The following SAE1 variants were observed in gnomAD, a reference collection of about 807,000 sequenced individuals.
SAE1 encodes SUMO-activating enzyme subunit 1.
A neutral mutation model predicts 40.6 loss-of-function variants in SAE1; 11 were observed. The ratio of observed to expected loss-of-function variants is 0.27; its 90% CI spans 0.17 to 0.45. The LOEUF (loss-of-function observed/expected upper bound fraction) is 0.45, where lower values mean the gene tolerates loss of function less well. Ranked by LOEUF, SAE1 falls within the 20% of genes least tolerant of loss-of-function variation. SAE1 has a pLI of 1.00. For synonymous variants in SAE1, 155 were observed against 154.3 expected, an observed-to-expected ratio of 1.00 and a Z score of -0.03; for missense variants, 373 against 427.3, an observed-to-expected ratio of 0.87 and a Z score of 1.12.
At chr19:47,138,113 G>A (rs1367372889) in intron 1 of SAE1, among the ~76,000 whole-genome samples, 1 of 151,812 alleles carries the variant, frequency 6.6e-6, no homozygotes, top group Non-Finnish European at 1.5e-5. Context: ...GCGTGATCTA[G>A]ACTCACTGCA....
chr19:47,164,643 T>G (rs1202781175), intron 5 of SAE1, among the ~76,000 whole-genome samples: 3 of 128,096 alleles, frequency 2.3e-5, no homozygotes, highest in Non-Finnish European at 5.0e-5. Flanking sequence ...ATTCACCTTT[T>G]TTTTTTTTTT....
chr19:47,209,469 C>T lies in SAE1; in HGVS notation c.*218C>T, dbSNP rs540722786. On this transcript the variant is annotated 3_prime_UTR_variant, in exon 9 of 9. Transcript: ENST00000270225. Reference sequence around the variant, plus strand: ...CAGGGTGGCTGTCTTTGTTCCAGCACTGTTCAGGCTGCCTGTCATCCCGGG... The same window carrying T: ...CAGGGTGGCTGTCTTTGTTCCAGCATTGTTCAGGCTGCCTGTCATCCCGGG... 20 of 714,536 alleles carry T rather than the reference C, an allele frequency of 2.8e-5. No individual in the cohort carries two copies. The South Asian group carries it at 3.3e-4, about 12-fold the overall frequency. 44.3% of individuals were successfully genotyped at this position (714,536 alleles called of 1,614,324 possible). A position where few individuals can be genotyped will look rare whatever the true frequency, so the allele number is the denominator to read the frequency against.
chr19:47,191,571 T>G (rs961663062), intron 6 of SAE1, among the ~76,000 whole-genome samples: 1 of 152,164 alleles, frequency 6.6e-6, no homozygotes, highest in Non-Finnish European at 1.5e-5. Flanking sequence ...ACGTGGAAAC[T>G]GAGGCTGCCT....
chr19:47,161,116 C>A (rs2058357300), intron 5 of SAE1, among the ~76,000 whole-genome samples: 1 of 152,102 alleles, frequency 6.6e-6, no homozygotes, highest in Admixed American at 6.6e-5. Context: ...ATCCTCCCAC[C>A]CACCTCAGTC....
chr19:47,152,787 A>G, intron 3 of SAE1, 111 bp from the exon 4 acceptor site: 1 of 1,047,828 alleles, frequency 9.5e-7, no homozygotes, highest in Non-Finnish European at 1.4e-6. Flanking sequence ...CCAGTTTGAA[A>G]CATGCTTTGA....
intron 5 of SAE1, among the ~76,000 whole-genome samples, chr19:47,158,025 A>G (rs762450460): frequency 1.4e-5 from 2 of 145,906 alleles, no homozygotes; most frequent in Non-Finnish European, 3.0e-5. Flanking sequence ...TCCTTGATTC[A>G]GATGCTGCCC....
rs145637374 is a variant in SAE1, at chr19:47,155,203, T to G, written c.617T>G (p.Met206Arg). The change falls in exon 5 of 9, where the codon ATG becomes AGG. Residue 206 changes from methionine (M) to arginine (R), a missense_variant. Met to Arg is a moderately conservative substitution (Grantham distance 91). Around this residue, in one of 3 missense-constraint regions of SAE1, gnomAD observed 351 missense variants for 390.6 expected, o/e 0.90. Transcript: ENST00000270225. ...RAKLDSSETT[M>R]VKKKVVFCPV... Reference sequence around the variant, plus strand: ...AAACTTGATTCTTCTGAGACAACGATGGTCAAAAAGGTATGTGTAACGTGG... The same window carrying G: ...AAACTTGATTCTTCTGAGACAACGAGGGTCAAAAAGGTATGTGTAACGTGG... 1.2e-6 allele frequency: 2 copies of G among 1,611,830 alleles called. No individual in the cohort carries two copies. Among genetic ancestry groups the G allele is most frequent in the African/African-American group, 2.7e-5 (2 of 74,576 alleles).
intron 7 of SAE1, among the ~76,000 whole-genome samples, chr19:47,202,284 C>CTATT (rs749296363): frequency 1.6e-3 from 236 of 151,626 alleles, no homozygotes; most frequent in Admixed American, 3.4e-3. Flanking sequence ...AAAATTATAC[C>CTATT]TATTTATTTA....
chr19:47,158,107 T>C (rs901512439), intron 5 of SAE1, among the ~76,000 whole-genome samples: 3 of 152,144 alleles, frequency 2.0e-5, no homozygotes, highest in Non-Finnish European at 2.9e-5. Context: ...GGGAAGCAGC[T>C]ACTTCCTGTT....
chr19:47,207,243 A>C (rs1417851495), intron 8 of SAE1, among the ~76,000 whole-genome samples: 3 of 152,264 alleles, frequency 2.0e-5, no homozygotes, highest in Non-Finnish European at 4.4e-5. Flanking sequence ...CAAAAAATTA[A>C]AAACATTTAC....
At chr19:47,186,437 C>G (rs376226945) in intron 6 of SAE1, among the ~76,000 whole-genome samples, 1 of 152,072 alleles carries the variant, frequency 6.6e-6, no homozygotes, top group Non-Finnish European at 1.5e-5. Context: ...ATTCATTCAG[C>G]GGGTAAGGGT....
chr19:47,139,932 ATTTCT>A (rs2058208574), intron 1 of SAE1, among the ~76,000 whole-genome samples: 1 of 119,792 alleles, frequency 8.3e-6, no homozygotes, highest in African/African-American at 3.2e-5. Context: ...CCACTTGGGT[ATTTCT>A]TTTTTTTTTT....
intron 5 of SAE1, among the ~76,000 whole-genome samples, chr19:47,165,076 C>CTTTTTTTTTTTTTTTTTTTTTT: frequency 1.7e-5 from 1 of 59,074 alleles, no homozygotes; most frequent in Non-Finnish European, 2.8e-5. Flanking sequence ...TGAGCCAAGT[C>CTTTTTTTTTTTTTTTTTTTTTT]TTTTTTTTTT....
chr19:47,168,522 G>A (rs929836220), intron 5 of SAE1, among the ~76,000 whole-genome samples: 2 of 152,048 alleles, frequency 1.3e-5, no homozygotes, highest in African/African-American at 4.8e-5. Context: ...TTTGACTCCT[G>A]GACTCAGGTG....
chr19:47,165,978 G>T (rs994533018), intron 5 of SAE1, among the ~76,000 whole-genome samples: 2 of 152,100 alleles, frequency 1.3e-5, no homozygotes, highest in Admixed American at 1.3e-4. Context: ...GATTGGCCTG[G>T]TTGGGGTCCT....
chr19:47,161,555 C>T (rs1389831000), intron 5 of SAE1, among the ~76,000 whole-genome samples: 1 of 152,082 alleles, frequency 6.6e-6, no homozygotes, highest in African/African-American at 2.4e-5. Context: ...CAGATACAGC[C>T]CTGCTTGACT....
chr19:47,193,559 C>T (rs559724217), intron 6 of SAE1, among the ~76,000 whole-genome samples: 3 of 150,804 alleles, frequency 2.0e-5, no homozygotes, highest in East Asian at 1.9e-4. Flanking sequence ...CTGTGGCTCA[C>T]GCCTGTAATT....
chr19:47,190,727 G>T (rs916884100), intron 6 of SAE1, among the ~76,000 whole-genome samples: 3 of 152,302 alleles, frequency 2.0e-5, no homozygotes, highest in South Asian at 4.1e-4. Context: ...CTTTGCTCCT[G>T]CTCTTAATGC....
In SAE1 at chr19:47,197,252, A is replaced by G; in HGVS notation, c.753A>G (p.Thr251=). Residue 251 remains threonine (T), a synonymous_variant, in exon 7 of 9, where the codon ACA becomes ACG. Transcript: ENST00000270225. ...TCCCAGTGCTCTTAAAGTTCCGTAC[A>G]GATAAAGGAAGAGATCCCAGTTCTG... ...FLLQVLLKFR[T]DKGRDPSSDT... is the part of the protein sequence containing the mutation. The G allele has an allele frequency of 6.2e-7, 1 of 1,613,236 alleles. No homozygotes were observed. Among genetic ancestry groups the G allele is most frequent in the East Asian group, 2.2e-5 (1 of 44,866 alleles).
Sources: gnomAD v4.1 joint callset for allele counts (sites outside exome capture counted in the v4.1 genomes callset) on GRCh38, gnomAD v4.1.1 for gene constraint, gnomAD v4.1.1 regional missense constraint, MANE v1.5 for transcripts, NCBI Gene and HGNC (gene_info 2026-07-23, HGNC 2026-07-21) for gene names.